The following SPOCK1 variants were observed in gnomAD, a reference collection of about 807,000 sequenced individuals.
The protein encoded by SPOCK1 is SPARC (osteonectin), cwcv and kazal like domains proteoglycan 1.
In SPOCK1, 23 loss-of-function variants were observed where a neutral mutation model predicts 55.3. The observed-to-expected ratio is 0.42, with a 90% CI of 0.30 to 0.59. The LOEUF is 0.59. Among genes scored for constraint, SPOCK1 ranks in the 20% least tolerant of loss-of-function variants. The pLI, the probability that SPOCK1 is intolerant of heterozygous loss-of-function variation, is 0.22. For missense variants in SPOCK1, 499 were observed against 552.5 expected (o/e 0.90, Z 0.97); for synonymous variants, 226 against 221.0 (o/e 1.02, Z -0.20).
chr5:137,435,204 A>G (rs965797351), intron 2 of SPOCK1, among the ~76,000 whole-genome samples: 1 of 152,208 alleles, frequency 6.6e-6, no homozygotes, highest in Non-Finnish European at 1.5e-5. Flanking sequence ...TTAAACTTTC[A>G]TCAATAAACT....
intron 4 of SPOCK1, 24 bp from the exon 5 acceptor site, chr5:137,112,585 A>G: frequency 6.2e-7 from 1 of 1,609,606 alleles, no homozygotes. Flanking sequence ...AAAAGGGGAT[A>G]AATTAGTTGA....
intron 2 of SPOCK1, among the ~76,000 whole-genome samples, chr5:137,391,991 A>G (rs1322869260): frequency 6.6e-6 from 1 of 151,982 alleles, no homozygotes; most frequent in East Asian, 1.9e-4. Context: ...ACACCTTCAC[A>G]CTGACCTCCA....
intron 3 of SPOCK1, among the ~76,000 whole-genome samples, chr5:137,258,138 C>T (rs182760978): frequency 1.4e-3 from 218 of 152,316 alleles, no homozygotes; most frequent in African/African-American, 5.0e-3. Context: ...AGGAGTTTTA[C>T]CCCTCATGCC....
chr5:137,433,700 T>C (rs1268892544), intron 2 of SPOCK1, among the ~76,000 whole-genome samples: 1 of 152,170 alleles, frequency 6.6e-6, no homozygotes, highest in Non-Finnish European at 1.5e-5. Context: ...TTATCATGCA[T>C]GCTCCCAGAT....
At chr5:137,061,814 AT>A (rs1752399270) in intron 6 of SPOCK1, among the ~76,000 whole-genome samples, 1 of 152,190 alleles carries the variant, frequency 6.6e-6, no homozygotes, top group African/African-American at 2.4e-5. Flanking sequence ...GTGTGGTGAC[AT>A]TCTCTGCCTG....
At chr5:137,063,125 C>A (rs1334713942) in intron 6 of SPOCK1, among the ~76,000 whole-genome samples, 1 of 146,452 alleles carries the variant, frequency 6.8e-6, no homozygotes, top group African/African-American at 2.5e-5. Flanking sequence ...CCCAGCTACT[C>A]GGGAGGCTGA....
At chr5:137,075,473 G>A (rs995023899) in intron 5 of SPOCK1, among the ~76,000 whole-genome samples, 10 of 152,122 alleles carry the variant, frequency 6.6e-5, no homozygotes, top group African/African-American at 2.4e-4. Context: ...TTTGTTAAAG[G>A]GCCAAGTGAT....
intron 6 of SPOCK1, among the ~76,000 whole-genome samples, chr5:137,061,753 C>T (rs184677432): frequency 7.5e-4 from 9 of 12,074 alleles, no homozygotes; most frequent in South Asian, 3.2e-3. Flanking sequence ...GTGGAGGGGG[C>T]GGGTGGGAGG....
At chr5:137,079,540 C>CT (rs1554096414) in intron 5 of SPOCK1, among the ~76,000 whole-genome samples, 2 of 147,460 alleles carry the variant, frequency 1.4e-5, no homozygotes, top group Admixed American at 6.7e-5. Flanking sequence ...GATTCCCCCC[C>CT]CCCCCGACTT....
intron 3 of SPOCK1, among the ~76,000 whole-genome samples, chr5:137,198,615 G>A (rs1383707335): frequency 6.6e-6 from 1 of 152,024 alleles, no homozygotes; most frequent in Non-Finnish European, 1.5e-5. Context: ...GCTCATCTCT[G>A]TCTATTTACT....
rs768340347 is a variant in SPOCK1 at position 136,988,611 on chromosome 5, C to A, written c.739G>T (p.Asp247Tyr). The change falls in exon 8 of 11, where the codon GAC becomes TAC. Residue 247 changes from aspartate (D) to tyrosine (Y), a missense_variant. Coordinates refer to ENST00000394945, the MANE Select transcript of SPOCK1 (RefSeq NM_004598.4). ...TTGTTGAACATCCAGCCCAGGGAGT[C>A]CTTGCAGATGGGCAGGATGCTAGTG... ...FDTSILPICKDSLGWMFNKLD... is the reference protein window; with the variant it reads ...FDTSILPICKYSLGWMFNKLD... 6.2e-7 allele frequency: 1 copy of A among 1,613,504 alleles called. No individual in the cohort carries two copies. Among genetic ancestry groups the A allele is most frequent in the African/African-American group, 1.3e-5 (1 of 74,906 alleles).
At chr5:137,479,565 T>C (rs1266882239) in intron 2 of SPOCK1, among the ~76,000 whole-genome samples, 1 of 152,164 alleles carries the variant, frequency 6.6e-6, no homozygotes, top group Non-Finnish European at 1.5e-5. Flanking sequence ...CCTACCTGGC[T>C]CTCAAAAATG....
intron 6 of SPOCK1, among the ~76,000 whole-genome samples, chr5:137,009,716 C>T (rs887313931): frequency 1.3e-5 from 2 of 152,130 alleles, no homozygotes; most frequent in African/African-American, 4.8e-5. Flanking sequence ...GAAAATAATT[C>T]CTAAATGCAG....
At chr5:137,437,356 A>C (rs1752887547) in intron 2 of SPOCK1, among the ~76,000 whole-genome samples, 1 of 152,230 alleles carries the variant, frequency 6.6e-6, no homozygotes, top group African/African-American at 2.4e-5. Context: ...GTCAGCCCTG[A>C]TGGATATTAT....
intron 3 of SPOCK1, among the ~76,000 whole-genome samples, chr5:137,210,846 A>G (rs1220102756): frequency 6.6e-6 from 1 of 152,210 alleles, no homozygotes; most frequent in African/African-American, 2.4e-5. Context: ...TAGACCCAAA[A>G]TTGTCAGTAA....
At chr5:137,234,274 C>A (rs959759267) in intron 3 of SPOCK1, among the ~76,000 whole-genome samples, 26 of 152,126 alleles carry the variant, frequency 1.7e-4, no homozygotes, top group African/African-American at 6.3e-4. Flanking sequence ...TAGCCTCTTA[C>A]CCTGGGGCTG....
intron 2 of SPOCK1, among the ~76,000 whole-genome samples, chr5:137,307,031 C>T (rs1757711669): frequency 6.6e-6 from 1 of 152,186 alleles, no homozygotes; most frequent in African/African-American, 2.4e-5. Context: ...CCACCCTTAC[C>T]CAACTCTAGT....
chr5:137,186,397 G>A (rs538511100), intron 3 of SPOCK1, among the ~76,000 whole-genome samples: 18 of 152,188 alleles, frequency 1.2e-4, no homozygotes, highest in Non-Finnish European at 2.2e-4. Flanking sequence ...GGCTAGGACT[G>A]CTCCTGCTCA....
chr5:137,388,959 CTG>C (rs1716760347), intron 2 of SPOCK1, among the ~76,000 whole-genome samples: 1 of 152,166 alleles, frequency 6.6e-6, no homozygotes, highest in Non-Finnish European at 1.5e-5. Flanking sequence ...TTTGCACAAA[CTG>C]GCATAATTTA....
Sources: allele counts gnomAD v4.1 joint callset (sites outside exome capture counted in the v4.1 genomes callset), GRCh38; gene constraint gnomAD v4.1.1; transcripts MANE v1.5; gene names NCBI Gene and HGNC (gene_info 2026-07-23, HGNC 2026-07-21).